The following CDKAL1 variants were observed in gnomAD, a reference collection of about 807,000 sequenced individuals.
The protein encoded by CDKAL1 is CDKAL1 threonylcarbamoyladenosine tRNA methylthiotransferase, also known as threonylcarbamoyladenosine tRNA methylthiotransferase.
In CDKAL1, 32 loss-of-function variants were observed where a neutral mutation model predicts 68.2. That is an observed-to-expected ratio of 0.47 (90% CI 0.35 to 0.63). The LOEUF (loss-of-function observed/expected upper bound fraction) is 0.63. Ranked by LOEUF, CDKAL1 falls within the 30% of genes least tolerant of loss-of-function variation. The pLI is 0.00. For missense variants in CDKAL1, 606 were observed against 696.7 expected (o/e 0.87, Z 1.47); for synonymous variants, 234 against 244.3 (o/e 0.96, Z 0.39).
intron 9 of CDKAL1, among the ~76,000 whole-genome samples, chr6:20,871,823 T>A (rs143230106): frequency 1.3e-5 from 2 of 152,178 alleles, no homozygotes; most frequent in Non-Finnish European, 2.9e-5. Flanking sequence ...ATCCAAACTT[T>A]CCATGAAATT....
chr6:20,653,733 G>C (rs1052488572), intron 5 of CDKAL1, among the ~76,000 whole-genome samples: 2 of 151,884 alleles, frequency 1.3e-5, no homozygotes, highest in African/African-American at 4.8e-5. Flanking sequence ...TCCTGCCTCA[G>C]CCTCTCGAGT....
At chr6:21,185,224 T>TA (rs35442433) in intron 13 of CDKAL1, among the ~76,000 whole-genome samples, 27,294 of 142,636 alleles carry the variant, frequency 0.19, 2,641 homozygotes, top group Non-Finnish European at 0.24. Flanking sequence ...GAGAGGCCAT[T>TA]AAAAAAAAAA....
chr6:20,680,368 A>G (rs1314222133), intron 5 of CDKAL1, among the ~76,000 whole-genome samples: 1 of 152,186 alleles, frequency 6.6e-6, no homozygotes, highest in African/African-American at 2.4e-5. Context: ...CACCCGGTCT[A>G]ATTTTGTTGA....
chr6:20,857,816 C>A (rs1317052214), intron 9 of CDKAL1, among the ~76,000 whole-genome samples: 3 of 152,020 alleles, frequency 2.0e-5, no homozygotes, highest in Non-Finnish European at 4.4e-5. Flanking sequence ...AGATATAGGC[C>A]CCAGCTCCAT....
chr6:21,077,992 G>A (rs554245269), intron 12 of CDKAL1, among the ~76,000 whole-genome samples: 23 of 152,288 alleles, frequency 1.5e-4, no homozygotes, highest in African/African-American at 5.1e-4. Flanking sequence ...GAAGGTCAAG[G>A]AAGGGACCAC....
chr6:20,970,534 T>C (rs1435329539), intron 10 of CDKAL1, among the ~76,000 whole-genome samples: 1 of 152,204 alleles, frequency 6.6e-6, no homozygotes. Context: ...GCCTTGTATC[T>C]ATCAGACCAT....
intron 11 of CDKAL1, among the ~76,000 whole-genome samples, chr6:21,024,338 T>A (rs1217143081): frequency 6.6e-6 from 1 of 152,028 alleles, no homozygotes; most frequent in Admixed American, 6.6e-5. Flanking sequence ...ATGTAAGAGG[T>A]TAAGATTTTT....
At chr6:21,222,977 A>G (rs994329717) in intron 15 of CDKAL1, among the ~76,000 whole-genome samples, 2 of 152,176 alleles carry the variant, frequency 1.3e-5, no homozygotes, top group African/African-American at 2.4e-5. Context: ...GCGATGTGCC[A>G]TCTACAGGTC....
chr6:21,203,054 T>C (rs1778752067), intron 15 of CDKAL1, among the ~76,000 whole-genome samples: 1 of 151,964 alleles, frequency 6.6e-6, no homozygotes. Context: ...GGTTCTTGTT[T>C]GTTTGTTTGT....
At chr6:20,972,197 A>C (rs767840703) in intron 10 of CDKAL1, among the ~76,000 whole-genome samples, 1 of 152,240 alleles carries the variant, frequency 6.6e-6, no homozygotes, top group Non-Finnish European at 1.5e-5. Flanking sequence ...TGAAATTTAC[A>C]GAAAATCATA....
At position 20,979,812 on chromosome 6, in the gene CDKAL1, C is replaced by G. The variant is rs116525140; in HGVS notation, c.910-20415C>G. Reference sequence around the variant, plus strand: ...TTTGGGACAGCATCTCACTTTGTCACCCATGCTGGGGTGCAGTGGCATAAT... The same window carrying G: ...TTTGGGACAGCATCTCACTTTGTCAGCCATGCTGGGGTGCAGTGGCATAAT... On this transcript the variant is annotated intron_variant, in intron 10 of 15. Coordinates refer to ENST00000274695, the MANE Select transcript of CDKAL1 (RefSeq NM_017774.3). Among the ~76,000 whole-genome samples the G allele has an allele frequency of 1.3e-5, 2 of 149,372 alleles. 1 individual carries two copies. Among genetic ancestry groups the G allele is most frequent in the South Asian group, 4.3e-4 (2 of 4,698 alleles).
intron 5 of CDKAL1, among the ~76,000 whole-genome samples, chr6:20,691,071 G>A (rs114173180): frequency 5.7e-4 from 87 of 152,212 alleles, no homozygotes; most frequent in African/African-American, 1.3e-3. Context: ...TAATGACTTC[G>A]AAGGTCTTAG....
At chr6:21,167,109 C>T (rs1777185610) in intron 13 of CDKAL1, among the ~76,000 whole-genome samples, 1 of 152,188 alleles carries the variant, frequency 6.6e-6, no homozygotes, top group African/African-American at 2.4e-5. Flanking sequence ...AAAAGCAAAA[C>T]AGGCACTGTG....
At chr6:20,739,097 T>C (rs1032947658) in intron 5 of CDKAL1, among the ~76,000 whole-genome samples, 1 of 152,138 alleles carries the variant, frequency 6.6e-6, no homozygotes, top group Non-Finnish European at 1.5e-5. Flanking sequence ...TTAAAGTATA[T>C]TTTACTTTTA....
chr6:21,199,354 T>G (rs1256610521), intron 14 of CDKAL1, among the ~76,000 whole-genome samples: 1 of 152,164 alleles, frequency 6.6e-6, no homozygotes, highest in East Asian at 1.9e-4. Flanking sequence ...CGGTGGAGAC[T>G]GCAGTTGAGG....
intron 12 of CDKAL1, among the ~76,000 whole-genome samples, chr6:21,072,554 C>CAAAAAAAAAAAAAAA (rs71540611): frequency 3.4e-4 from 15 of 44,486 alleles, no homozygotes; most frequent in Admixed American, 6.4e-4. Flanking sequence ...GACTCCGTCT[C>CAAAAAAAAAAAAAAA]AAAAAAAAAA....
At chr6:20,837,432 C>T (rs918595617) in intron 8 of CDKAL1, among the ~76,000 whole-genome samples, 8 of 152,154 alleles carry the variant, frequency 5.3e-5, no homozygotes, top group East Asian at 1.9e-4. Context: ...CCTCAGCAGA[C>T]GTCAGCCTCC....
chr6:20,583,784 GC>G (rs11448102), intron 4 of CDKAL1, among the ~76,000 whole-genome samples: 74 of 147,522 alleles, frequency 5.0e-4, no homozygotes, highest in Admixed American at 1.3e-3. Flanking sequence ...TAGTAAAAGC[GC>G]CCCCCCCCAC....
intron 5 of CDKAL1, among the ~76,000 whole-genome samples, chr6:20,661,059 A>T (rs903920519): frequency 6.6e-6 from 1 of 152,128 alleles, no homozygotes; most frequent in East Asian, 1.9e-4. Flanking sequence ...AGTGAAAAAG[A>T]TCTAAAAGGA....
Sources: allele counts gnomAD v4.1 joint callset (sites outside exome capture counted in the v4.1 genomes callset), GRCh38; gene constraint gnomAD v4.1.1; transcripts MANE v1.5; gene names NCBI Gene and HGNC (gene_info 2026-07-23, HGNC 2026-07-21).